Variants in CACNA1A observed in about 807,000 individuals in gnomAD.
CACNA1A encodes the protein calcium voltage-gated channel subunit alpha1 A, also known as voltage-dependent P/Q-type calcium channel subunit alpha-1A.
In CACNA1A, 57 loss-of-function variants were observed where a neutral mutation model predicts 262.4. The observed-to-expected ratio is 0.22, with a 90% CI of 0.18 to 0.27. The LOEUF is 0.27. CACNA1A is among the 10% of genes least tolerant of loss of function. The pLI, the probability that CACNA1A is intolerant of heterozygous loss-of-function variation, is 1.00. For missense variants in CACNA1A, 2,526 were observed against 3,562.8 expected, an observed-to-expected ratio of 0.71 and a Z score of 7.41; for synonymous variants, 1,431 against 1,419.3, an observed-to-expected ratio of 1.01 and a Z score of -0.18.
intron 1 of CACNA1A, among the ~76,000 whole-genome samples, chr19:13,496,112 G>A (rs1981504944): frequency 6.6e-6 from 1 of 151,514 alleles, no homozygotes; most frequent in Admixed American, 6.6e-5. Context: ...AACACTAACT[G>A]CAGAGGATGC....
chr19:13,235,983 G>A, intron 31 of CACNA1A: 2 of 391,826 alleles, frequency 5.1e-6, no homozygotes, highest in Non-Finnish European at 9.0e-6. Context: ...CTCCCTGCCA[G>A]CCCCACCCAC....
At position 13,207,630 on chromosome 19, in the gene CACNA1A, G is replaced by A; in HGVS notation, c.7204C>T (p.Pro2402Ser). 3 of 1,478,466 alleles carry A rather than the reference G, an allele frequency of 2.0e-6. No individual in the cohort carries two copies. The highest frequency in any genetic ancestry group is 2.7e-6 in the Non-Finnish European group (3 of 1,115,252). The allele number at this position is 1,478,466 out of a possible 1,614,324, so 91.6% of individuals were successfully genotyped here. Residue 2402 changes from proline (P) to serine (S), a missense_variant, in exon 47 of 47, where the codon CCG (proline) becomes TCG (serine). Pro to Ser is a moderately conservative substitution (Grantham distance 74). Transcript: ENST00000360228. This position sits in a 1 kb window ranked among gnomAD's most constrained non-coding sequence, Gnocchi z 5.7. Reference protein sequence around the residue: ...ASGPHVSEGPPGPRHHGYYRG... With the variant: ...ASGPHVSEGPSGPRHHGYYRG... Reference sequence around the variant, plus strand: ...TAGTAGCCATGGTGCCGGGGACCCGGGGGCCCCTCGGACACGTGCGGGCCA... The same window carrying A: ...TAGTAGCCATGGTGCCGGGGACCCGAGGGCCCCTCGGACACGTGCGGGCCA...
chr19:13,308,557 A>G lies in CACNA1A; in HGVS notation c.1669-29T>C, dbSNP rs1471346765. 6.9e-7 allele frequency: 1 copy of G among 1,442,396 alleles called. No individual in the cohort carries two copies. The highest frequency in any genetic ancestry group is 2.3e-5 in the East Asian group (1 of 43,696). The allele number at this position is 1,442,396 out of a possible 1,614,324, so 89.3% of individuals were successfully genotyped here. A position where few individuals can be genotyped will look rare whatever the true frequency, so the allele number is the denominator to read the frequency against. ...GGGCAGAGAACCTGGTCTCATGTCCAGGGACAGTGTCTGGGCTCCAGAACT... is the reference window on the plus strand; with the variant it reads ...GGGCAGAGAACCTGGTCTCATGTCCGGGGACAGTGTCTGGGCTCCAGAACT... On this transcript the variant is annotated intron_variant, in intron 12 of 46. Transcript: ENST00000360228. The surrounding 1 kb of genome is among the most constrained non-coding windows in gnomAD (Gnocchi z 4.2).
At chr19:13,426,253 CT>C (rs1178029623) in intron 3 of CACNA1A, among the ~76,000 whole-genome samples, 1 of 152,072 alleles carries the variant, frequency 6.6e-6, no homozygotes, top group African/African-American at 2.4e-5. Context: ...ATATTATGGG[CT>C]TTTTTTAGAT....
chr19:13,241,563 G>A lies in CACNA1A; in HGVS notation c.4950+3619C>T. The A allele has an allele frequency of 8.4e-7, 1 of 1,188,542 alleles. No homozygotes were observed. The highest frequency in any genetic ancestry group is 1.2e-6 in the Non-Finnish European group (1 of 826,614). 73.6% of individuals were successfully genotyped at this position (1,188,542 alleles called of 1,614,324 possible). ...TGTTGAAGATGAGGGGGAGCGGGCGGGCGGGGGCAGTTGGGGAGGCGTGTT... is the reference window on the plus strand; with the variant it reads ...TGTTGAAGATGAGGGGGAGCGGGCGAGCGGGGGCAGTTGGGGAGGCGTGTT... On this transcript the variant is annotated intron_variant, in intron 31 of 46. Transcript: ENST00000360228. This position sits in a 1 kb window ranked among gnomAD's most constrained non-coding sequence, Gnocchi z 4.0.
intron 3 of CACNA1A, among the ~76,000 whole-genome samples, chr19:13,383,275 A>G (rs1420792602): frequency 6.6e-6 from 1 of 152,146 alleles, no homozygotes; most frequent in East Asian, 1.9e-4. Context: ...TTCCAATGGA[A>G]AGACTGAGTG....
At chr19:13,441,756 C>T (rs2060724988) in intron 3 of CACNA1A, among the ~76,000 whole-genome samples, 1 of 152,110 alleles carries the variant, frequency 6.6e-6, no homozygotes, top group African/African-American at 2.4e-5. Context: ...ACCAGGCAGC[C>T]ACCTCCCTGC....
intron 3 of CACNA1A, among the ~76,000 whole-genome samples, chr19:13,393,591 C>T (rs927275688): frequency 2.5e-5 from 3 of 118,490 alleles, no homozygotes; most frequent in Non-Finnish European, 5.6e-5. Context: ...CTTCCTCCTC[C>T]TCTTCCCTCC....
At chr19:13,420,332 AT>A (rs1253865889) in intron 3 of CACNA1A, among the ~76,000 whole-genome samples, 1 of 151,770 alleles carries the variant, frequency 6.6e-6, no homozygotes, top group African/African-American at 2.4e-5. Flanking sequence ...GTTGAATACT[AT>A]TTCCCCCAAA....
chr19:13,225,417 G>T (rs1036186133), intron 37 of CACNA1A: 4 of 152,424 alleles, frequency 2.6e-5, no homozygotes, highest in African/African-American at 9.6e-5. Context: ...CGTGGGAAGT[G>T]TATCTCAGGG....
intron 31 of CACNA1A, 80 bp from the exon 32 acceptor site, chr19:13,235,810 C>T (rs1307689787): frequency 2.1e-6 from 2 of 951,030 alleles, no homozygotes; most frequent in Non-Finnish European, 3.3e-6. Flanking sequence ...GAGGCCCCTA[C>T]ATGAAGCCAA....
At chr19:13,464,705 C>T (rs933745260) in intron 1 of CACNA1A, among the ~76,000 whole-genome samples, 6 of 147,820 alleles carry the variant, frequency 4.1e-5, no homozygotes, top group Admixed American at 6.7e-5. Context: ...CCTGCCACCG[C>T]GCCCGGCTAA....
intron 23 of CACNA1A, among the ~76,000 whole-genome samples, chr19:13,276,694 GC>G (rs1568485844): frequency 3.5e-5 from 4 of 114,022 alleles, no homozygotes; most frequent in Non-Finnish European, 5.3e-5. Flanking sequence ...TGGAATCCCA[GC>G]TCTTTTTTTT....
intron 14 of CACNA1A, 125 bp downstream of exon 14, chr19:13,307,995 C>T: frequency 1.4e-6 from 2 of 1,415,892 alleles, no homozygotes; most frequent in African/African-American, 1.4e-5. Flanking sequence ...AGGGCCCTGC[C>T]CATTTGGGTG....
intron 3 of CACNA1A, among the ~76,000 whole-genome samples, chr19:13,413,308 G>A (rs932119509): frequency 4.2e-4 from 64 of 151,470 alleles, no homozygotes; most frequent in African/African-American, 1.1e-3. Context: ...GGGTTTCACT[G>A]TGTTAGCCAG....
At chr19:13,423,300 T>C (rs1306967289) in intron 3 of CACNA1A, among the ~76,000 whole-genome samples, 2 of 152,130 alleles carry the variant, frequency 1.3e-5, no homozygotes, top group Non-Finnish European at 1.5e-5. Context: ...TGGTGTGCTT[T>C]TATGGCAGAG....
chr19:13,501,560 A>C (rs941130953), intron 1 of CACNA1A, among the ~76,000 whole-genome samples: 6 of 152,166 alleles, frequency 3.9e-5, no homozygotes, highest in Admixed American at 2.6e-4. Flanking sequence ...TAGCCCATGA[A>C]CTTACCACAT....
intron 10 of CACNA1A, among the ~76,000 whole-genome samples, chr19:13,322,480 A>G (rs2145077386): frequency 6.6e-6 from 1 of 152,222 alleles, no homozygotes; most frequent in African/African-American, 2.4e-5. Context: ...GGTTTGTGAC[A>G]TTTTGTAATG....
In CACNA1A at chr19:13,465,256, G is replaced by C. The variant is rs1044554479; in HGVS notation, c.294-10044C>G. On this transcript the variant is annotated intron_variant, in intron 1 of 46. Coordinates refer to ENST00000360228, the MANE Select transcript of CACNA1A (RefSeq NM_001127222.2). The stretch of plus-strand genomic sequence containing the variant: ...TTAGTTCCTTTTCTTCAAGGAGGGA[G>C]GGAAGGGACAATACCTACCGTCATC... Among the ~76,000 whole-genome samples, 15 of 152,030 alleles carry C rather than the reference G, an allele frequency of 9.9e-5. 1 individual carries two copies. Among genetic ancestry groups the C allele is most frequent in the African/African-American group, 3.4e-4 (14 of 41,370 alleles).
Sources: gnomAD v4.1 joint callset for allele counts (sites outside exome capture counted in the v4.1 genomes callset) on GRCh38, gnomAD v4.1.1 for gene constraint, Gnocchi (gnomAD v3.1) non-coding constraint, MANE v1.5 for transcripts, NCBI Gene and HGNC (gene_info 2026-07-23, HGNC 2026-07-21) for gene names.